SLC35F4: variants seen among roughly 807,000 people sequenced by gnomAD.
SLC35F4 encodes chromosome 14 open reading frame 36.
Under a neutral mutation model 44.2 loss-of-function variants are expected in SLC35F4, and 24 were observed. That is an observed-to-expected ratio of 0.54 (90% confidence interval 0.39 to 0.76). SLC35F4 has a LOEUF of 0.76. Ranked by LOEUF, SLC35F4 falls within the 30% of genes least tolerant of loss-of-function variation. The pLI is 0.00. For missense variants in SLC35F4, 562 were observed against 586.1 expected (o/e 0.96, Z 0.42); for synonymous variants, 238 against 223.6 (o/e 1.06, Z -0.57).
intron 1 of SLC35F4, among the ~76,000 whole-genome samples, chr14:57,921,758 G>C (rs1889447699): frequency 6.6e-6 from 1 of 152,048 alleles, no homozygotes; most frequent in Non-Finnish European, 1.5e-5. Context: ...AGTCACACTG[G>C]ATTACGGGCC....
At chr14:57,973,848 A>G (rs1158617004), downstream of SLC35F4, among the ~76,000 whole-genome samples, 2 of 152,106 alleles carry the variant, frequency 1.3e-5, no homozygotes, top group Non-Finnish European at 2.9e-5. Flanking sequence ...TTATGAGGGT[A>G]ACAGAACATC....
At chr14:57,873,219 G>A (rs1566918059) in intron 1 of SLC35F4, among the ~76,000 whole-genome samples, 1 of 151,966 alleles carries the variant, frequency 6.6e-6, no homozygotes, top group Non-Finnish European at 1.5e-5. Context: ...TCCCACGAAG[G>A]GTCAATTGCA....
downstream of SLC35F4, among the ~76,000 whole-genome samples, chr14:57,975,253 C>G (rs1054642694): frequency 5.3e-5 from 8 of 152,332 alleles, no homozygotes; most frequent in East Asian, 7.7e-4. Flanking sequence ...TTCCCCTCCA[C>G]TGGCAAAGCC....
intron 1 of SLC35F4, among the ~76,000 whole-genome samples, chr14:57,699,133 A>G (rs762078389): frequency 2.6e-5 from 4 of 152,192 alleles, no homozygotes; most frequent in Non-Finnish European, 5.9e-5. Flanking sequence ...TGAAATGAAA[A>G]TGTTTAATAG....
At chr14:57,621,760 A>T (rs58917285) in intron 1 of SLC35F4, among the ~76,000 whole-genome samples, 8 of 150,824 alleles carry the variant, frequency 5.3e-5, no homozygotes, top group African/African-American at 1.9e-4. Flanking sequence ...GGCATGGGCA[A>T]GGACTTCATG....
intron 1 of SLC35F4, among the ~76,000 whole-genome samples, chr14:57,698,809 A>G (rs572604322): frequency 1.3e-5 from 2 of 152,172 alleles, no homozygotes; most frequent in Admixed American, 6.5e-5. Context: ...TATTTTTAGT[A>G]GAGAAGGGGT....
chr14:57,686,825 G>C (rs1052233192), intron 1 of SLC35F4, among the ~76,000 whole-genome samples: 3 of 152,076 alleles, frequency 2.0e-5, no homozygotes, highest in African/African-American at 7.2e-5. Context: ...GATTTCTTAA[G>C]AATTATTTTC....
chr14:57,608,897 G>A (rs1030023078), intron 1 of SLC35F4, among the ~76,000 whole-genome samples: 13 of 151,966 alleles, frequency 8.6e-5, no homozygotes, highest in Admixed American at 3.3e-4. Flanking sequence ...TGACAAGACA[G>A]TCATTGTTGA....
At chr14:57,920,969 C>A (rs1030008938) in intron 1 of SLC35F4, among the ~76,000 whole-genome samples, 1 of 152,188 alleles carries the variant, frequency 6.6e-6, no homozygotes, top group East Asian at 1.9e-4. Flanking sequence ...ATGAAACATA[C>A]GTACACATCA....
Position 57,803,196 on chromosome 14 carries a change from G to A in SLC35F4, c.103+62527C>T, listed in dbSNP as rs551669367. 6.6e-4 allele frequency among the ~76,000 whole-genome samples: 101 copies of A among 152,020 alleles called. 1 individual carries two copies. The highest frequency in any genetic ancestry group is 2.2e-3 in the African/African-American group (93 of 41,470). Reference sequence around the variant, plus strand: ...ATTCATCATATAAACATAACTAAAGGCAAAAACCACACGATTATCTCAATA... The same window carrying A: ...ATTCATCATATAAACATAACTAAAGACAAAAACCACACGATTATCTCAATA... On this transcript the variant is annotated intron_variant, in intron 1 of 7. Coordinates refer to ENST00000556826, the MANE Select transcript of SLC35F4 (RefSeq NM_001306087.2).
chr14:57,652,637 A>T (rs1023494292), intron 1 of SLC35F4, among the ~76,000 whole-genome samples: 1 of 151,362 alleles, frequency 6.6e-6, no homozygotes, highest in African/African-American at 2.4e-5. Context: ...TAACCCCCAC[A>T]CAAAGATCTA....
intron 4 of SLC35F4, among the ~76,000 whole-genome samples, chr14:57,579,742 A>G (rs1481969452): frequency 6.6e-6 from 1 of 152,198 alleles, no homozygotes; most frequent in Non-Finnish European, 1.5e-5. Flanking sequence ...TATTCTAGAC[A>G]TTGGAAGTAG....
chr14:57,886,339 T>C (rs868656585), intron 1 of SLC35F4, among the ~76,000 whole-genome samples: 39 of 152,302 alleles, frequency 2.6e-4, no homozygotes, highest in African/African-American at 9.1e-4. Flanking sequence ...GTGTTCTCAT[T>C]TGGAAGATCA....
Position 57,798,808 on chromosome 14 carries a change from C to G in SLC35F4, c.103+66915G>C, listed in dbSNP as rs115117595. Among the ~76,000 whole-genome samples the G allele has an allele frequency of 3.2e-3, 480 of 152,276 alleles. 1 individual carries two copies. The highest frequency in any genetic ancestry group is 0.011 in the African/African-American group (468 of 41,546). On this transcript the variant is annotated intron_variant, in intron 1 of 7. Coordinates refer to ENST00000556826, the MANE Select transcript of SLC35F4 (RefSeq NM_001306087.2). The stretch of plus-strand genomic sequence containing the variant: ...TGCTCAGCCAACTTTAGGGCTTTTA[C>G]AGTAAATGCAGCAAGGTCTTAGGTT...
chr14:57,974,651 T>A (rs1246543456), downstream of SLC35F4, among the ~76,000 whole-genome samples: 1 of 152,128 alleles, frequency 6.6e-6, no homozygotes, highest in Non-Finnish European at 1.5e-5. Context: ...CTCTGGGTGG[T>A]TCCTGTGGGA....
At chr14:57,750,225 T>G (rs2076852167) in intron 1 of SLC35F4, among the ~76,000 whole-genome samples, 1 of 152,058 alleles carries the variant, frequency 6.6e-6, no homozygotes, top group Non-Finnish European at 1.5e-5. Context: ...GATTTCATTC[T>G]TTTTTTTAGT....
chr14:57,780,900 A>G (rs2077603355), intron 1 of SLC35F4, among the ~76,000 whole-genome samples: 2 of 152,080 alleles, frequency 1.3e-5, no homozygotes, highest in South Asian at 4.1e-4. Flanking sequence ...TCCTTATGCC[A>G]TATACAAAAG....
At chr14:57,827,338 G>A (rs1883895260) in intron 1 of SLC35F4, among the ~76,000 whole-genome samples, 1 of 151,968 alleles carries the variant, frequency 6.6e-6, no homozygotes, top group African/African-American at 2.4e-5. Context: ...ACACACACTA[G>A]GACCTTTCAC....
At chr14:57,819,503 GA>G (rs748365312) in intron 1 of SLC35F4, among the ~76,000 whole-genome samples, 1 of 151,618 alleles carries the variant, frequency 6.6e-6, no homozygotes, top group Non-Finnish European at 1.5e-5. Flanking sequence ...GACAGTTTTA[GA>G]AAGCAAGATA....
Sources: gnomAD v4.1 joint callset for allele counts (sites outside exome capture counted in the v4.1 genomes callset) on GRCh38, gnomAD v4.1.1 for gene constraint, MANE v1.5 for transcripts, NCBI Gene and HGNC (gene_info 2026-07-23, HGNC 2026-07-21) for gene names.